Variants in SH3BGRL observed in about 807,000 individuals in gnomAD.
The protein encoded by SH3BGRL is adapter SH3BGRL.
SH3BGRL carries 7 observed loss-of-function variants against 9.8 expected under a neutral mutation model. That is an observed-to-expected ratio of 0.72 (90% confidence interval 0.41 to 1.35). The LOEUF (loss-of-function observed/expected upper bound fraction) is 1.35, where lower values mean the gene tolerates loss of function less well. Among genes scored for constraint, SH3BGRL ranks in the 40% most tolerant of loss-of-function variants. SH3BGRL has a pLI of 0.01. For missense variants in SH3BGRL, 73 were observed against 84.4 expected (o/e 0.86, Z 0.53); for synonymous variants, 36 against 29.1 (o/e 1.24, Z -0.76).
At chrX:81,291,864 T>C (rs979663067) in intron 3 of SH3BGRL, among the ~76,000 whole-genome samples, 9 of 112,093 alleles carry the variant, frequency 8.0e-5, no homozygotes, top group African/African-American at 2.9e-4. Context: ...TCTTAAAGTT[T>C]CAAAATAATC....
At chrX:81,241,368 C>A (rs774613827) in intron 1 of SH3BGRL, among the ~76,000 whole-genome samples, 78 of 112,265 alleles carry the variant, frequency 6.9e-4, no homozygotes, top group Non-Finnish European at 1.3e-3. Context: ...GAAACCCCAC[C>A]TTCAAGACAG....
intron 2 of SH3BGRL, among the ~76,000 whole-genome samples, chrX:81,278,048 C>T (rs780768528): frequency 7.2e-5 from 8 of 111,553 alleles, no homozygotes; most frequent in South Asian, 7.5e-4. Flanking sequence ...CTGCAACCTC[C>T]GCCTCCCAGG....
chrX:81,249,128 C>CA lies in SH3BGRL; in HGVS notation c.46-27848dup, dbSNP rs201881518. 1.5e-3 allele frequency among the ~76,000 whole-genome samples: 167 copies of CA among 110,407 alleles called. 1 individual carries two copies. The highest frequency in any genetic ancestry group is 4.9e-3 in the African/African-American group (149 of 30,164). On this transcript the variant is annotated intron_variant, in intron 1 of 3. Coordinates refer to ENST00000373212, the MANE Select transcript of SH3BGRL (RefSeq NM_003022.3). The stretch of plus-strand genomic sequence containing the variant: ...CTTGGGAAAACAAAACAAAACAAAA[C>CA]AAAAAAAACAAAAAATCTTAACTAT...
intron 3 of SH3BGRL, among the ~76,000 whole-genome samples, chrX:81,293,847 A>G (rs1395917475): frequency 1.8e-5 from 2 of 112,289 alleles, no homozygotes; most frequent in Non-Finnish European, 1.9e-5. Flanking sequence ...AATAAGGTCC[A>G]GGCTGAGGTG....
At chrX:81,229,243 A>G (rs1041385105) in intron 1 of SH3BGRL, among the ~76,000 whole-genome samples, 4 of 111,187 alleles carry the variant, frequency 3.6e-5, no homozygotes, top group African/African-American at 1.3e-4. Context: ...GGGAGCATGC[A>G]TATGGGCAGG....
chrX:81,295,822 A>G (rs1255659108), intron 3 of SH3BGRL, among the ~76,000 whole-genome samples: 2 of 111,503 alleles, frequency 1.8e-5, no homozygotes, highest in African/African-American at 6.5e-5. Flanking sequence ...CATTTCGGTC[A>G]TAACAATTTA....
At chrX:81,238,792 C>CAGAG (rs766291990) in intron 1 of SH3BGRL, among the ~76,000 whole-genome samples, 2,988 of 91,306 alleles carry the variant, frequency 0.033, 71 homozygotes, top group African/African-American at 0.077. Context: ...TAGTGCAGAA[C>CAGAG]AGAGAGAGAG....
At chrX:81,291,662 C>T (rs1368324650) in intron 3 of SH3BGRL, among the ~76,000 whole-genome samples, 2 of 111,717 alleles carry the variant, frequency 1.8e-5, no homozygotes, top group East Asian at 5.7e-4. Context: ...AAGTCCAAGT[C>T]CAAAGTCTCA....
chrX:81,207,436 T>C (rs896756536), intron 1 of SH3BGRL, among the ~76,000 whole-genome samples: 4 of 112,514 alleles, frequency 3.6e-5, no homozygotes, highest in African/African-American at 9.7e-5. Context: ...ATGTTCTGGA[T>C]TGTGTAATTA....
chrX:81,262,085 G>C (rs771184723), intron 1 of SH3BGRL, among the ~76,000 whole-genome samples: 1 of 111,224 alleles, frequency 9.0e-6, no homozygotes, highest in Non-Finnish European at 1.9e-5. Flanking sequence ...AACTATCATA[G>C]GTTGCTGATT....
chrX:81,217,203 T>G (rs1482611224), intron 1 of SH3BGRL, among the ~76,000 whole-genome samples: 1 of 111,312 alleles, frequency 9.0e-6, no homozygotes, highest in Non-Finnish European at 1.9e-5. Flanking sequence ...ATTAATTTTG[T>G]TTATATTTTC....
chrX:81,279,135 A>G (rs893803183), intron 3 of SH3BGRL, among the ~76,000 whole-genome samples: 1 of 111,885 alleles, frequency 8.9e-6, no homozygotes, highest in Admixed American at 9.4e-5. Context: ...TTGAACTCCA[A>G]TTCCCTCTCC....
intron 3 of SH3BGRL, among the ~76,000 whole-genome samples, chrX:81,286,498 C>CAAA (rs570813241): frequency 3.2e-4 from 15 of 46,401 alleles, no homozygotes; most frequent in South Asian, 2.0e-3. Context: ...AGCTACTAGG[C>CAAA]AAAAAAAAAA....
chrX:81,213,117 G>A (rs7065867), intron 1 of SH3BGRL, among the ~76,000 whole-genome samples: 1,824 of 112,257 alleles, frequency 0.016, 37 homozygotes, highest in African/African-American at 0.056. Flanking sequence ...ATGAGATTCT[G>A]TCTTGTGCAA....
At chrX:81,245,206 G>T (rs2075684561) in intron 1 of SH3BGRL, among the ~76,000 whole-genome samples, 1 of 111,506 alleles carries the variant, frequency 9.0e-6, no homozygotes, top group South Asian at 3.8e-4. Flanking sequence ...AAGGCTTTCT[G>T]CTCTGAATAG....
chrX:81,264,014 G>A (rs1194436099), intron 1 of SH3BGRL, among the ~76,000 whole-genome samples: 1 of 109,831 alleles, frequency 9.1e-6, no homozygotes, highest in Middle Eastern at 4.2e-3. Flanking sequence ...TACTGCCTGT[G>A]TTCATGCAAG....
chrX:81,218,575 C>A (rs1202419342), intron 1 of SH3BGRL, among the ~76,000 whole-genome samples: 1 of 106,598 alleles, frequency 9.4e-6, no homozygotes, highest in African/African-American at 3.4e-5. Context: ...GATAGTACCC[C>A]AATCTCTTCT....
At chrX:81,216,096 C>T (rs977926886) in intron 1 of SH3BGRL, among the ~76,000 whole-genome samples, 2 of 111,447 alleles carry the variant, frequency 1.8e-5, no homozygotes, top group Non-Finnish European at 3.8e-5. Context: ...ACAATTATGT[C>T]TTATAAAAAT....
chrX:81,268,181 A>AT (rs1267307143), intron 1 of SH3BGRL, among the ~76,000 whole-genome samples: 10 of 109,120 alleles, frequency 9.2e-5, no homozygotes, highest in South Asian at 3.9e-4. Flanking sequence ...GGATCCACTA[A>AT]TTTTTTTTTG....
Sources: allele counts gnomAD v4.1 joint callset (sites outside exome capture counted in the v4.1 genomes callset), GRCh38; gene constraint gnomAD v4.1.1; transcripts MANE v1.5; gene names NCBI Gene and HGNC (gene_info 2026-07-23, HGNC 2026-07-21).